FZD3: variants seen among roughly 807,000 people sequenced by gnomAD.
FZD3 encodes frizzled class receptor 3, also known as frizzled-3.
FZD3 carries 30 observed loss-of-function variants against 60.7 expected under a neutral mutation model. The ratio of observed to expected loss-of-function variants is 0.49; its 90% CI spans 0.37 to 0.67. The LOEUF is 0.67. Ranked by LOEUF, FZD3 falls within the 30% of genes least tolerant of loss-of-function variation. The pLI is 0.00. For synonymous variants in FZD3, 246 were observed against 275.2 expected, an observed-to-expected ratio of 0.89 and a Z score of 1.05; for missense variants, 605 against 838.7, an observed-to-expected ratio of 0.72 and a Z score of 3.44.
intron 3 of FZD3, among the ~76,000 whole-genome samples, chr8:28,517,367 C>T (rs1804456170): frequency 6.6e-6 from 1 of 152,098 alleles, no homozygotes; most frequent in Admixed American, 6.5e-5. Context: ...ACATATTTTT[C>T]TTTGGTTTTC....
intron 3 of FZD3, among the ~76,000 whole-genome samples, chr8:28,515,282 C>A (rs1272099327): frequency 2.6e-5 from 4 of 152,130 alleles, no homozygotes; most frequent in South Asian, 2.1e-4. Flanking sequence ...TTCTTGTCTC[C>A]TCAGAAGAAT....
intron 5 of FZD3, among the ~76,000 whole-genome samples, chr8:28,542,360 C>T (rs1202935473): frequency 2.6e-5 from 4 of 152,182 alleles, no homozygotes; most frequent in East Asian, 1.9e-4. Context: ...GCTTGCTGGC[C>T]GGCCGCTGCG....
chr8:28,539,659 T>C (rs79327791), intron 5 of FZD3, among the ~76,000 whole-genome samples: 1,634 of 152,308 alleles, frequency 0.011, 29 homozygotes, highest in African/African-American at 0.037. Flanking sequence ...GGGCTTTAGG[T>C]GACCATAGGC....
At chr8:28,528,216 C>T in intron 5 of FZD3, 52 bp downstream of exon 5, 4 of 1,360,166 alleles carry the variant, frequency 2.9e-6, no homozygotes, top group Non-Finnish European at 4.1e-6. Flanking sequence ...GAAACAAAAG[C>T]ATATTACTAT....
intron 1 of FZD3, among the ~76,000 whole-genome samples, chr8:28,498,861 A>T (rs935454517): frequency 1.3e-5 from 2 of 152,238 alleles, no homozygotes; most frequent in Non-Finnish European, 2.9e-5. Context: ...CACTGTGCCC[A>T]GCCAGGAATG....
rs58638657 is a variant in FZD3 at position 28,532,857 on chromosome 8, T to C, written c.1404+4693T>C. The stretch of plus-strand genomic sequence containing the variant: ...CAAATTTGTCTCACTTGCTTTCCAA[T>C]TTCTATATTTCATGTAAGAGCTGCC... On this transcript the variant is annotated intron_variant, in intron 5 of 7. Transcript: ENST00000240093. Among the ~76,000 whole-genome samples, 721 of 152,324 alleles carry C rather than the reference T, an allele frequency of 4.7e-3. 26 individuals are homozygous for C. The East Asian group carries it at 0.091, about 19-fold the overall frequency.
chr8:28,553,680 C>G (rs1490635585), intron 6 of FZD3, among the ~76,000 whole-genome samples: 1 of 152,170 alleles, frequency 6.6e-6, no homozygotes, highest in African/African-American at 2.4e-5. Flanking sequence ...GATTCCCAAC[C>G]AACAGTCATT....
intron 5 of FZD3, among the ~76,000 whole-genome samples, chr8:28,550,336 T>C (rs1470578579): frequency 6.6e-6 from 1 of 151,850 alleles, no homozygotes; most frequent in Admixed American, 6.6e-5. Context: ...ATTTGCATTC[T>C]GTGTCTGTGT....
At chr8:28,520,974 TCA>T (rs1804563492) in intron 4 of FZD3, 140 bp downstream of exon 4, 2 of 429,606 alleles carry the variant, frequency 4.7e-6, no homozygotes, top group Admixed American at 8.4e-5. Context: ...TTTTATGGCC[TCA>T]CAATTGTTTA....
At chr8:28,500,776 T>C (rs540162184) in intron 2 of FZD3, among the ~76,000 whole-genome samples, 29 of 152,276 alleles carry the variant, frequency 1.9e-4, no homozygotes, top group African/African-American at 6.5e-4. Flanking sequence ...CTTTTTTTTT[T>C]CTGATGGAGT....
At position 28,573,719 on chromosome 8, in the gene FZD3, CTT is replaced by C. The variant is rs1330283972; in HGVS notation, c.*10710_*10711del. The C allele has an allele frequency of 6.6e-6, 1 of 150,758 alleles. No homozygotes were observed. The allele number at this position is 150,758 out of a possible 1,614,324, so 9.3% of individuals were successfully genotyped here. ...CATGCTTGTTAAAAAAAAAAAAAGT[CTT>C]TCCCCATTTTACTGTTACAATTTTT... On this transcript the variant is annotated 3_prime_UTR_variant, in exon 8 of 8. Transcript: ENST00000240093.
intron 6 of FZD3, among the ~76,000 whole-genome samples, chr8:28,552,639 T>C (rs1427067215): frequency 6.6e-6 from 1 of 152,192 alleles, no homozygotes; most frequent in Non-Finnish European, 1.5e-5. Flanking sequence ...TTTAAAATTA[T>C]ATGTAGAATG....
chr8:28,530,603 C>T (rs1407291311), intron 5 of FZD3: 1 of 152,092 alleles, frequency 6.6e-6, no homozygotes, highest in Non-Finnish European at 1.5e-5. Context: ...TTAAAAGCCC[C>T]TAGTACTAAG....
chr8:28,551,045 TAGA>T (rs1431487955), intron 5 of FZD3, among the ~76,000 whole-genome samples: 2 of 152,182 alleles, frequency 1.3e-5, no homozygotes, highest in African/African-American at 4.8e-5. Context: ...TTCCCTATTT[TAGA>T]AGATGACTAA....
At position 28,556,294 on chromosome 8, in the gene FZD3, A is replaced by G. The variant is rs113606227; in HGVS notation, c.1787+323A>G. 9.2e-3 allele frequency among the ~76,000 whole-genome samples: 1,400 copies of G among 152,324 alleles called. 25 individuals are homozygous for G. The highest frequency in any genetic ancestry group is 0.032 in the African/African-American group (1,313 of 41,560). On this transcript the variant is annotated intron_variant, in intron 7 of 7. Transcript: ENST00000240093. ...CACTCTTGCTAGGCCCTGAGAATAC[A>G]AAGATGACTTAGGCATGATCTTTGC...
At position 28,567,721 on chromosome 8, in the gene FZD3, A is replaced by G. The variant is rs1805729485; in HGVS notation, c.*4710A>G. Reference sequence around the variant, plus strand: ...GTACAGTCTTTAAATCGGTCATCCAATTAACCTTTAAAAAGTAGGTTATGC... The same window carrying G: ...GTACAGTCTTTAAATCGGTCATCCAGTTAACCTTTAAAAAGTAGGTTATGC... On this transcript the variant is annotated 3_prime_UTR_variant, in exon 8 of 8. Coordinates refer to ENST00000240093, the MANE Select transcript of FZD3 (RefSeq NM_017412.4). 2 of 152,228 alleles carry G rather than the reference A, an allele frequency of 1.3e-5. No individual in the cohort carries two copies. The highest frequency in any genetic ancestry group is 2.9e-5 in the Non-Finnish European group (2 of 68,044). 9.4% of individuals were successfully genotyped at this position (152,228 alleles called of 1,614,324 possible). A position where few individuals can be genotyped will look rare whatever the true frequency, so the allele number is the denominator to read the frequency against.
intron 5 of FZD3, among the ~76,000 whole-genome samples, chr8:28,536,716 T>C (rs193130797): frequency 6.6e-6 from 1 of 152,156 alleles, no homozygotes; most frequent in Non-Finnish European, 1.5e-5. Context: ...CAAAAAAAAA[T>C]TATTTTTATA....
At chr8:28,516,702 T>A (rs1804435957) in intron 3 of FZD3, among the ~76,000 whole-genome samples, 1 of 152,156 alleles carries the variant, frequency 6.6e-6, no homozygotes, top group South Asian at 2.1e-4. Flanking sequence ...TTTTCATTGA[T>A]CTACTTGGGT....
intron 3 of FZD3, among the ~76,000 whole-genome samples, chr8:28,506,865 A>T (rs1188844819): frequency 6.6e-6 from 1 of 152,194 alleles, no homozygotes; most frequent in Non-Finnish European, 1.5e-5. Context: ...AAACTTTATT[A>T]TGGAAATTTC....
Sources: gnomAD v4.1 joint callset for allele counts (sites outside exome capture counted in the v4.1 genomes callset) on GRCh38, gnomAD v4.1.1 for gene constraint, MANE v1.5 for transcripts, NCBI Gene and HGNC (gene_info 2026-07-23, HGNC 2026-07-21) for gene names.